Variants in SPMIP4 observed in about 807,000 individuals in gnomAD.
SPMIP4 encodes sperm-associated microtubule inner protein 4.
At chr7:25,160,506 C>T in the SPMIP4 span, among the ~76,000 whole-genome samples, 5 of 152,254 alleles carry the variant, frequency 3.3e-5, no homozygotes, top group East Asian at 7.7e-4. Flanking sequence ...GCCATGTTGG[C>T]CAGGCTGGTC....
chr7:25,151,543 G>T, the SPMIP4 span: 1 of 1,143,166 alleles, frequency 8.7e-7, no homozygotes, highest in South Asian at 1.3e-5. Flanking sequence ...TAAAGGTATT[G>T]ACTAAAAATA....
chr7:25,154,218 C>A, the SPMIP4 span, among the ~76,000 whole-genome samples: 1 of 152,168 alleles, frequency 6.6e-6, no homozygotes, highest in East Asian at 1.9e-4. Flanking sequence ...TCTGTCCTTG[C>A]ATTTTGGTCC....
chr7:25,136,055 C>G, the SPMIP4 span: 1 of 1,614,038 alleles, frequency 6.2e-7, no homozygotes, highest in South Asian at 1.1e-5. This position sits in a 1 kb window ranked among gnomAD's most constrained non-coding sequence, Gnocchi z 5.7. Context: ...TCTTTATGGT[C>G]TTCTAGAATT....
chr7:25,165,678 C>T, the SPMIP4 span, among the ~76,000 whole-genome samples: 4 of 152,220 alleles, frequency 2.6e-5, no homozygotes, highest in African/African-American at 9.6e-5. Context: ...AACGGTCCTC[C>T]AACTTTGCTG....
the SPMIP4 span, chr7:25,125,789 C>T: frequency 4.8e-6 from 2 of 417,334 alleles, no homozygotes; most frequent in Non-Finnish European, 6.4e-6. Context: ...CCACGGCTGG[C>T]GCCAACAGCA....
At chr7:25,136,896 G>T in the SPMIP4 span, 1 of 1,107,428 alleles carries the variant, frequency 9.0e-7, no homozygotes. This position sits in a 1 kb window ranked among gnomAD's most constrained non-coding sequence, Gnocchi z 5.7. Context: ...TACACGAGAT[G>T]GGCATAGGAG....
At chr7:25,162,719 TA>T in the SPMIP4 span, among the ~76,000 whole-genome samples, 13 of 152,162 alleles carry the variant, frequency 8.5e-5, no homozygotes, top group African/African-American at 3.1e-4. Context: ...CACTAAGGTT[TA>T]AAAAAATCCC....
the SPMIP4 span, among the ~76,000 whole-genome samples, chr7:25,166,662 G>T: frequency 1.3e-5 from 2 of 152,026 alleles, no homozygotes; most frequent in Non-Finnish European, 2.9e-5. Context: ...CGAGGCAGGT[G>T]GATCACCTGA....
the SPMIP4 span, chr7:25,135,740 T>G: frequency 1.0e-5 from 12 of 1,155,684 alleles, no homozygotes; most frequent in South Asian, 4.2e-4. Flanking sequence ...CTATAAATTT[T>G]TCTAGTTCTA....
chr7:25,142,541 GA>G, the SPMIP4 span: 1 of 1,130,388 alleles, frequency 8.8e-7, no homozygotes, highest in Non-Finnish European at 1.3e-6. Context: ...AATACTTTGA[GA>G]AAAAGGCAAA....
chr7:25,158,106 C>A, the SPMIP4 span, among the ~76,000 whole-genome samples: 7 of 152,186 alleles, frequency 4.6e-5, no homozygotes, highest in African/African-American at 1.2e-4. Flanking sequence ...CTGTGGCTCA[C>A]GCCTGTGATC....
the SPMIP4 span, among the ~76,000 whole-genome samples, chr7:25,141,085 C>T: frequency 6.6e-6 from 1 of 152,178 alleles, no homozygotes; most frequent in Non-Finnish European, 1.5e-5. Flanking sequence ...ATTAAACCAA[C>T]AGATTATACT....
At chr7:25,154,758 G>A in the SPMIP4 span, among the ~76,000 whole-genome samples, 7 of 152,118 alleles carry the variant, frequency 4.6e-5, no homozygotes, top group Admixed American at 2.0e-4. Context: ...ATTCTACAAC[G>A]TTTTGGTTTC....
the SPMIP4 span, among the ~76,000 whole-genome samples, chr7:25,174,200 C>G: frequency 1.3e-5 from 2 of 151,934 alleles, no homozygotes; most frequent in Admixed American, 1.3e-4. The surrounding 1 kb of genome is among the most constrained non-coding windows in gnomAD (Gnocchi z 4.5). Flanking sequence ...CCCTCTCTCT[C>G]CGTCTCCCTT....
At chr7:25,149,883 C>T in the SPMIP4 span, among the ~76,000 whole-genome samples, 2 of 152,190 alleles carry the variant, frequency 1.3e-5, no homozygotes, top group Non-Finnish European at 2.9e-5. Flanking sequence ...AATAATCTGC[C>T]TAGTATCACT....
At chr7:25,127,806 T>C in the SPMIP4 span, among the ~76,000 whole-genome samples, 1 of 152,234 alleles carries the variant, frequency 6.6e-6, no homozygotes, top group East Asian at 1.9e-4. Context: ...CTTCACAGTC[T>C]GGGCTTTTTA....
the SPMIP4 span, chr7:25,135,881 T>C: frequency 1.4e-6 from 2 of 1,475,030 alleles, no homozygotes; most frequent in Admixed American, 2.6e-5. Context: ...TGGTTTAATC[T>C]AGAAAACAGA....
the SPMIP4 span, among the ~76,000 whole-genome samples, chr7:25,130,209 G>A: frequency 2.0e-5 from 3 of 151,418 alleles, no homozygotes; most frequent in Admixed American, 6.6e-5. Context: ...ACTGCACTGC[G>A]CTCCAACCTG....
the SPMIP4 span, among the ~76,000 whole-genome samples, chr7:25,158,865 A>AAAT: frequency 9.9e-5 from 15 of 151,600 alleles, no homozygotes; most frequent in Admixed American, 3.9e-4. Flanking sequence ...AAAAAAAAAA[A>AAAT]AAATAATAAT....
Sources: gnomAD v4.1 joint callset for allele counts (sites outside exome capture counted in the v4.1 genomes callset) on GRCh38, gnomAD v4.1.1 for gene constraint, Gnocchi (gnomAD v3.1) non-coding constraint, MANE v1.5 for transcripts, NCBI Gene and HGNC (gene_info 2026-07-23, HGNC 2026-07-21) for gene names.